SLC9A9: variants seen among roughly 807,000 people sequenced by gnomAD.
SLC9A9 encodes solute carrier family 9 member A9.
Under a neutral mutation model 77.8 loss-of-function variants are expected in SLC9A9, and 62 were observed. That is an observed-to-expected ratio of 0.80 (90% CI 0.65 to 0.98). The LOEUF is 0.98. Among genes scored for constraint, SLC9A9 ranks in the 50% least tolerant of loss-of-function variants. The pLI is 0.00. For synonymous variants in SLC9A9, 320 were observed against 283.5 expected, an observed-to-expected ratio of 1.13 and a Z score of -1.29; for missense variants, 775 against 774.9, an observed-to-expected ratio of 1.00 and a Z score of 0.00.
At chr3:143,391,639 G>C (rs183668645) in intron 12 of SLC9A9, among the ~76,000 whole-genome samples, 1 of 152,106 alleles carries the variant, frequency 6.6e-6, no homozygotes. Flanking sequence ...GGCTTCAAAC[G>C]ATCAAACTTC....
chr3:143,324,602 G>A (rs942627007), intron 14 of SLC9A9, among the ~76,000 whole-genome samples: 1 of 152,086 alleles, frequency 6.6e-6, no homozygotes, highest in South Asian at 2.1e-4. Context: ...TGGGCAGATC[G>A]TTTGAGCCCA....
intron 14 of SLC9A9, among the ~76,000 whole-genome samples, chr3:143,315,911 C>T (rs555354431): frequency 6.6e-6 from 1 of 152,274 alleles, no homozygotes; most frequent in Admixed American, 6.5e-5. Context: ...AGAAAGTTCT[C>T]CAAATGTCAG....
intron 4 of SLC9A9, among the ~76,000 whole-genome samples, chr3:143,745,594 G>A (rs1454534413): frequency 1.3e-5 from 2 of 152,140 alleles, no homozygotes; most frequent in East Asian, 1.9e-4. Flanking sequence ...TGCCAGTGAT[G>A]TCAATGCCTA....
chr3:143,592,359 C>G (rs944086227), intron 6 of SLC9A9, among the ~76,000 whole-genome samples: 60 of 152,308 alleles, frequency 3.9e-4, no homozygotes, highest in Admixed American at 3.5e-3. Flanking sequence ...TCACTGCACT[C>G]TAGCCTGGGT....
At chr3:143,816,107 A>G (rs2009009209) in intron 2 of SLC9A9, among the ~76,000 whole-genome samples, 1 of 152,212 alleles carries the variant, frequency 6.6e-6, no homozygotes, top group African/African-American at 2.4e-5. Context: ...CCCAGAAATA[A>G]TCAATGCCCT....
At chr3:143,574,019 G>A in intron 8 of SLC9A9, 69 bp downstream of exon 8, 1 of 1,355,152 alleles carries the variant, frequency 7.4e-7, no homozygotes, top group Non-Finnish European at 1.1e-6. Flanking sequence ...GCTAGGTCAG[G>A]GAGGGGCACA....
At chr3:143,814,592 C>T (rs576305090) in intron 2 of SLC9A9, among the ~76,000 whole-genome samples, 7 of 152,256 alleles carry the variant, frequency 4.6e-5, no homozygotes, top group South Asian at 2.1e-4. Context: ...ATTGAAACTT[C>T]GGATAAACAT....
chr3:143,369,089 A>C (rs147953622), intron 13 of SLC9A9, among the ~76,000 whole-genome samples: 18 of 152,286 alleles, frequency 1.2e-4, no homozygotes, highest in Non-Finnish European at 2.6e-4. Context: ...TGACACAGAG[A>C]TCTCACAGAT....
intron 4 of SLC9A9, among the ~76,000 whole-genome samples, chr3:143,693,616 A>G (rs1241594120): frequency 6.6e-6 from 1 of 152,196 alleles, no homozygotes; most frequent in East Asian, 1.9e-4. Context: ...ACAGCAAATC[A>G]TATCCAAAAC....
intron 9 of SLC9A9, among the ~76,000 whole-genome samples, chr3:143,497,266 A>C (rs900206354): frequency 1.3e-5 from 2 of 151,846 alleles, no homozygotes; most frequent in Non-Finnish European, 2.9e-5. Context: ...TGCCACCTGG[A>C]CTCTATTCAG....
At chr3:143,811,547 T>C (rs2008864240) in intron 2 of SLC9A9, among the ~76,000 whole-genome samples, 1 of 152,078 alleles carries the variant, frequency 6.6e-6, no homozygotes, top group South Asian at 2.1e-4. Flanking sequence ...AGCCCTATTT[T>C]TCAAGAAGTG....
intron 2 of SLC9A9, among the ~76,000 whole-genome samples, chr3:143,819,924 A>G (rs565648868): frequency 1.6e-4 from 24 of 152,352 alleles, no homozygotes; most frequent in African/African-American, 4.8e-4. Context: ...TTTACAAGGC[A>G]TGTTACTTGC....
intron 14 of SLC9A9, among the ~76,000 whole-genome samples, chr3:143,302,702 G>A (rs113752970): frequency 1.2e-4 from 18 of 152,306 alleles, no homozygotes; most frequent in African/African-American, 4.3e-4. Context: ...CCAGCCAGCA[G>A]GTTTGGTCTT....
At chr3:143,427,890 G>A (rs1559911554) in intron 12 of SLC9A9, among the ~76,000 whole-genome samples, 1 of 152,170 alleles carries the variant, frequency 6.6e-6, no homozygotes, top group Non-Finnish European at 1.5e-5. Context: ...CCCCCATGCA[G>A]AAGAATAAAA....
intron 5 of SLC9A9, among the ~76,000 whole-genome samples, chr3:143,661,030 A>C (rs1396497518): frequency 6.6e-6 from 1 of 152,188 alleles, no homozygotes; most frequent in Admixed American, 6.5e-5. Flanking sequence ...TAGCTCATCA[A>C]ATCACTTTAT....
At chr3:143,460,723 G>A (rs752901577) in intron 12 of SLC9A9, among the ~76,000 whole-genome samples, 8 of 152,126 alleles carry the variant, frequency 5.3e-5, no homozygotes, top group Admixed American at 1.3e-4. Flanking sequence ...GAAATAAAGC[G>A]TATTAAAGAA....
At chr3:143,462,081 T>C (rs547863882) in intron 12 of SLC9A9, among the ~76,000 whole-genome samples, 3 of 152,322 alleles carry the variant, frequency 2.0e-5, no homozygotes, top group African/African-American at 7.2e-5. Flanking sequence ...AAAATATTGA[T>C]TGTGGGCTGG....
chr3:143,461,195 G>T (rs2108564350), intron 12 of SLC9A9, among the ~76,000 whole-genome samples: 1 of 152,240 alleles, frequency 6.6e-6, no homozygotes, highest in Admixed American at 6.5e-5. Context: ...GTTTTAGAAA[G>T]AATCTTTTTG....
chr3:143,847,950 T>A (rs961272723), intron 1 of SLC9A9, 198 bp downstream of exon 1: 2 of 621,282 alleles, frequency 3.2e-6, no homozygotes, highest in Non-Finnish European at 5.7e-6. Flanking sequence ...CTGTGACATT[T>A]GCTCTCGTGA....
Sources: gnomAD v4.1 joint callset for allele counts (sites outside exome capture counted in the v4.1 genomes callset) on GRCh38, gnomAD v4.1.1 for gene constraint, MANE v1.5 for transcripts, NCBI Gene and HGNC (gene_info 2026-07-23, HGNC 2026-07-21) for gene names.